Variants in MED27 observed in about 807,000 individuals in gnomAD.
MED27 encodes the protein mediator of RNA polymerase II transcription subunit 27.
MED27 carries 30 observed loss-of-function variants against 38.2 expected under a neutral mutation model. The observed-to-expected ratio is 0.79, with a 90% CI of 0.59 to 1.07. The LOEUF is 1.07. MED27 is among the 50% of genes least tolerant of loss of function. The pLI, the probability that MED27 is intolerant of heterozygous loss-of-function variation, is 0.00. For synonymous variants in MED27, 122 were observed against 153.5 expected (o/e 0.79, Z 1.52); for missense variants, 289 against 397.5 (o/e 0.73, Z 2.32).
intron 2 of MED27, chr9:132,073,291 TC>T: frequency 1.0e-6 from 1 of 980,814 alleles, no homozygotes; most frequent in Non-Finnish European, 1.2e-6. Context: ...TCACTGTACT[TC>T]ATCAAAAATA....
chr9:131,896,876 C>A (rs990358614), intron 4 of MED27, among the ~76,000 whole-genome samples: 1 of 152,186 alleles, frequency 6.6e-6, no homozygotes, highest in African/African-American at 2.4e-5. Context: ...GGATTACAGG[C>A]GTGCGCCACC....
At position 131,881,800 on chromosome 9, in the gene MED27, C is replaced by CTTTTTTTTTTTTT. The variant is rs61624043; in HGVS notation, c.723+2245_723+2257dup. Among the ~76,000 whole-genome samples the CTTTTTTTTTTTTT allele has an allele frequency of 7.9e-3, 483 of 60,942 alleles. 29 individuals are homozygous for CTTTTTTTTTTTTT. The highest frequency in any genetic ancestry group is 0.031 in the Middle Eastern group (1 of 32). The allele number at this position is 60,942 out of a possible 152,430, so 40.0% of individuals were successfully genotyped here. ...CCTCCCTCCCTTCCTTCTTCTTCTT[C>CTTTTTTTTTTTTT]TTTTTTTTTTTTTTTTTTTTTTTTG... On this transcript the variant is annotated intron_variant, in intron 6 of 7. Coordinates refer to ENST00000292035, the MANE Select transcript of MED27 (RefSeq NM_004269.4).
chr9:132,035,601 C>T (rs940923022), intron 2 of MED27, among the ~76,000 whole-genome samples: 3 of 152,126 alleles, frequency 2.0e-5, no homozygotes, highest in Admixed American at 2.0e-4. Context: ...GCAAATGCAT[C>T]TTAGAGGCAA....
rs73551424 is a variant in MED27 at position 131,894,104 on chromosome 9, C to T, written c.574-112G>A. The T allele has an allele frequency of 0.013, 9,430 of 732,956 alleles. 538 individuals carry two copies. In the African/African-American group the frequency reaches 0.13, roughly 10 times the overall value. 45.4% of individuals were successfully genotyped at this position (732,956 alleles called of 1,614,324 possible). A position where few individuals can be genotyped will look rare whatever the true frequency, so the allele number is the denominator to read the frequency against. On this transcript the variant is annotated intron_variant, in intron 4 of 7. Transcript: ENST00000292035. ...ATCCAGTGAGACTGGATTCATGGTG[C>T]TGGCCCTGTGGATCCTCCAGCACTG...
intron 2 of MED27, among the ~76,000 whole-genome samples, chr9:132,064,677 C>T (rs1336198528): frequency 2.0e-5 from 3 of 152,192 alleles, no homozygotes; most frequent in African/African-American, 2.4e-5. Flanking sequence ...TACATTTGCA[C>T]TAAGTGTGGA....
Position 131,889,416 on chromosome 9 carries a change from G to C in MED27, c.681+4469C>G, listed in dbSNP as rs1839192647. Among the ~76,000 whole-genome samples, 1 of 152,098 alleles carries C rather than the reference G, an allele frequency of 6.6e-6. No homozygotes were observed. Among genetic ancestry groups the C allele is most frequent in the Non-Finnish European group, 1.5e-5 (1 of 68,022 alleles). On this transcript the variant is annotated intron_variant, in intron 5 of 7. Transcript: ENST00000292035. This position sits in a 1 kb window ranked among gnomAD's most constrained non-coding sequence, Gnocchi z 4.2. The stretch of plus-strand genomic sequence containing the variant: ...TTTTTTTTTCAGTTAAGTCTGACTG[G>C]TATAAAATCAGGACAATGGCCAGGT...
chr9:132,069,357 A>G (rs1241641525), intron 2 of MED27, among the ~76,000 whole-genome samples: 2 of 152,090 alleles, frequency 1.3e-5, no homozygotes, highest in African/African-American at 4.8e-5. Flanking sequence ...GGCAACAATA[A>G]AGTGACTATT....
At chr9:132,073,477 C>G in intron 2 of MED27, 7 of 1,181,144 alleles carry the variant, frequency 5.9e-6, no homozygotes, top group Non-Finnish European at 7.3e-6. Flanking sequence ...GTGCCTCTCC[C>G]CTGAGCCTTA....
intron 4 of MED27, among the ~76,000 whole-genome samples, chr9:131,933,155 G>T (rs1830620218): frequency 6.6e-6 from 1 of 152,108 alleles, no homozygotes; most frequent in Non-Finnish European, 1.5e-5. Context: ...TTTACAGTTA[G>T]CATCATACTG....
intron 6 of MED27, among the ~76,000 whole-genome samples, chr9:131,873,047 T>C (rs941651283): frequency 1.3e-5 from 2 of 152,182 alleles, no homozygotes; most frequent in East Asian, 1.9e-4. Context: ...TGGACTTTCA[T>C]TGGGTAGATG....
intron 6 of MED27, chr9:131,868,559 C>A: frequency 2.0e-6 from 2 of 982,030 alleles, no homozygotes; most frequent in African/African-American, 1.7e-5. Flanking sequence ...TACAGGCGTG[C>A]GCCACTGCGC....
At chr9:131,899,093 G>C (rs1253259276) in intron 4 of MED27, among the ~76,000 whole-genome samples, 1 of 152,194 alleles carries the variant, frequency 6.6e-6, no homozygotes. Context: ...CACAGGGCCT[G>C]GCACAGGGAG....
intron 2 of MED27, among the ~76,000 whole-genome samples, chr9:132,046,595 G>A (rs1833344619): frequency 2.0e-5 from 3 of 152,154 alleles, no homozygotes; most frequent in Non-Finnish European, 4.4e-5. Flanking sequence ...ATCATCTGTT[G>A]GGTTTTTCCC....
At chr9:131,898,078 T>A (rs1829864063) in intron 4 of MED27, among the ~76,000 whole-genome samples, 1 of 151,868 alleles carries the variant, frequency 6.6e-6, no homozygotes. Flanking sequence ...TGCCAATTGA[T>A]AATTAGATGA....
chr9:131,945,895 G>T (rs1315915451), intron 3 of MED27, among the ~76,000 whole-genome samples: 1 of 150,536 alleles, frequency 6.6e-6, no homozygotes, highest in Non-Finnish European at 1.5e-5. Flanking sequence ...TTGAGCCCAG[G>T]AGTTCAAGGA....
At chr9:132,072,125 C>T (rs547958451) in intron 2 of MED27, among the ~76,000 whole-genome samples, 2 of 152,192 alleles carry the variant, frequency 1.3e-5, no homozygotes, top group Non-Finnish European at 1.5e-5. Context: ...AGTACACATG[C>T]GTACAAGTAA....
intron 4 of MED27, among the ~76,000 whole-genome samples, chr9:131,925,247 T>C (rs999384842): frequency 6.6e-6 from 1 of 152,374 alleles, no homozygotes; most frequent in Non-Finnish European, 1.5e-5. Context: ...TATTTTATTC[T>C]TATTTTTTTG....
At chr9:132,035,881 C>T (rs75190677) in intron 2 of MED27, among the ~76,000 whole-genome samples, 1 of 152,066 alleles carries the variant, frequency 6.6e-6, no homozygotes, top group Non-Finnish European at 1.5e-5. Context: ...GGAAGGATCA[C>T]TTGAGCCCAG....
At chr9:132,017,868 T>C (rs568227983) in intron 2 of MED27, among the ~76,000 whole-genome samples, 1 of 152,238 alleles carries the variant, frequency 6.6e-6, no homozygotes, top group South Asian at 2.1e-4. Flanking sequence ...CAATTAATAA[T>C]GGTCTGAGGA....
Sources: gnomAD v4.1 joint callset for allele counts (sites outside exome capture counted in the v4.1 genomes callset) on GRCh38, gnomAD v4.1.1 for gene constraint, Gnocchi (gnomAD v3.1) non-coding constraint, MANE v1.5 for transcripts, NCBI Gene and HGNC (gene_info 2026-07-23, HGNC 2026-07-21) for gene names.